Variants in DNAJA3 observed in about 807,000 individuals in gnomAD.
DNAJA3 encodes the protein dnaJ homolog subfamily A member 3, mitochondrial.
DNAJA3 carries 29 observed loss-of-function variants against 54.9 expected under a neutral mutation model. That is an observed-to-expected ratio of 0.53 (90% CI 0.39 to 0.72). The LOEUF (loss-of-function observed/expected upper bound fraction) is 0.72, where lower values mean the gene tolerates loss of function less well. Ranked by LOEUF, DNAJA3 falls within the 30% of genes least tolerant of loss-of-function variation. The probability of loss-of-function intolerance (pLI) is 0.00; values close to 1 mark genes in which losing one functional copy is unlikely to be tolerated. For synonymous variants in DNAJA3, 302 were observed against 251.4 expected (o/e 1.20, Z -1.90); for missense variants, 708 against 639.4 (o/e 1.11, Z -1.16).
chr16:4,455,789 C>T lies in DNAJA3; in HGVS notation c.*257C>T, dbSNP rs1043504687. ...CAGTTTCCTGTCCATTGGTAGGTGA[C>T]GGCCCCTGGCTCAGGCAGAGGGAGA... On this transcript the variant is annotated 3_prime_UTR_variant, in exon 12 of 12. Coordinates refer to ENST00000262375, the MANE Select transcript of DNAJA3 (RefSeq NM_005147.6). The T allele has an allele frequency of 4.9e-5, 29 of 595,114 alleles. No homozygotes were observed. The highest frequency in any genetic ancestry group is 7.4e-5 in the African/African-American group (4 of 53,930). 36.9% of individuals were successfully genotyped at this position (595,114 alleles called of 1,614,324 possible). A position where few individuals can be genotyped will look rare whatever the true frequency, so the allele number is the denominator to read the frequency against.
At position 4,452,521 on chromosome 16, in the gene DNAJA3, A is replaced by G. The variant is rs139141092; in HGVS notation, c.1339+2024A>G. ...GAGATCCTTTGTCACTTCCATGGTT[A>G]CTTGTCCTGATCACTCAGCCTCACT... On this transcript the variant is annotated intron_variant, in intron 10 of 11. Transcript: ENST00000262375. 2.9e-4 allele frequency among the ~76,000 whole-genome samples: 44 copies of G among 152,094 alleles called. No individual in the cohort carries two copies. The East Asian group carries it at 8.1e-3, about 28-fold the overall frequency.
At position 4,455,538 on chromosome 16, in the gene DNAJA3, T is replaced by C; in HGVS notation, c.*14-8T>C. The C allele has an allele frequency of 6.4e-7, 1 of 1,551,798 alleles. No homozygotes were observed. The highest frequency in any genetic ancestry group is 1.4e-5 in the African/African-American group (1 of 73,154). The stretch of plus-strand genomic sequence containing the variant: ...AGTATAAGGTAACAGCCTATCTCTT[T>C]GGCTCAGGAAAAAGATCCACTGGAA... On this transcript the variant is annotated splice_polypyrimidine_tract_variant and splice_region_variant and intron_variant, in intron 11 of 11. Coordinates refer to ENST00000262375, the MANE Select transcript of DNAJA3 (RefSeq NM_005147.6).
chr16:4,434,891 T>C (rs1241415244), intron 2 of DNAJA3, among the ~76,000 whole-genome samples: 1 of 20,192 alleles, frequency 5.0e-5, no homozygotes, highest in Admixed American at 4.6e-4. Flanking sequence ...CCTTTCTTTT[T>C]TTTTTTTTTT....
At chr16:4,437,230 C>G (rs185706514) in intron 2 of DNAJA3, among the ~76,000 whole-genome samples, 172 bp from the exon 3 acceptor site, 2 of 152,280 alleles carry the variant, frequency 1.3e-5, no homozygotes, top group Admixed American at 1.3e-4. Flanking sequence ...CTTCACTTCC[C>G]AAAGTGTTGG....
intron 1 of DNAJA3, among the ~76,000 whole-genome samples, chr16:4,432,185 C>T (rs2056711578): frequency 6.7e-6 from 1 of 149,290 alleles, no homozygotes; most frequent in Non-Finnish European, 1.5e-5. Context: ...AGTCTTTGAT[C>T]CATTTATTTA....
At chr16:4,443,709 C>T (rs908821300) in intron 6 of DNAJA3, among the ~76,000 whole-genome samples, 28 of 150,894 alleles carry the variant, frequency 1.9e-4, no homozygotes, top group African/African-American at 2.2e-4. Flanking sequence ...TTTTTTGAGA[C>T]GGAGTCTCGC....
chr16:4,429,897 T>C (rs936640574), intron 1 of DNAJA3, among the ~76,000 whole-genome samples: 1 of 151,864 alleles, frequency 6.6e-6, no homozygotes, highest in African/African-American at 2.4e-5. Context: ...CTTGGGAGGC[T>C]GAGGTGGGAG....
At chr16:4,444,792 GGCTGCTCCCATGTAATCAAA>G in intron 7 of DNAJA3, 64 bp downstream of exon 7, 1 of 1,436,798 alleles carries the variant, frequency 7.0e-7, no homozygotes, top group South Asian at 1.2e-5. Flanking sequence ...GTGTGGCTGA[GGCTGCTCCCATGTAATCAAA>G]GCTTCACAGG....
At chr16:4,436,690 C>T (rs890169218) in intron 2 of DNAJA3, among the ~76,000 whole-genome samples, 2 of 152,042 alleles carry the variant, frequency 1.3e-5, no homozygotes, top group Non-Finnish European at 2.9e-5. Flanking sequence ...CGCGTGTGAC[C>T]ATACCTGGCT....
At chr16:4,446,825 C>T in intron 7 of DNAJA3, 61 bp from the exon 8 acceptor site, 1 of 1,595,696 alleles carries the variant, frequency 6.3e-7, no homozygotes, top group Non-Finnish European at 8.5e-7. Flanking sequence ...GCCAGGCATG[C>T]AGCTGGTGTT....
At chr16:4,431,403 G>A (rs1198516721) in intron 1 of DNAJA3, among the ~76,000 whole-genome samples, 1 of 152,246 alleles carries the variant, frequency 6.6e-6, no homozygotes, top group East Asian at 1.9e-4. Context: ...GATATTGGGT[G>A]TGCCAAACAC....
At chr16:4,432,644 G>C (rs891138418) in intron 1 of DNAJA3, among the ~76,000 whole-genome samples, 6 of 151,946 alleles carry the variant, frequency 3.9e-5, no homozygotes, top group Non-Finnish European at 5.9e-5. Context: ...ACCCGGCCCG[G>C]CTTATTCACT....
chr16:4,448,607 G>A, intron 8 of DNAJA3, 126 bp from the exon 9 acceptor site: 1 of 686,588 alleles, frequency 1.5e-6, no homozygotes, highest in Non-Finnish European at 2.5e-6. Context: ...CTCCCAAAGT[G>A]ATGGGAGCGT....
chr16:4,443,154 T>C lies in DNAJA3; in HGVS notation c.921T>C (p.Pro307=). 6.2e-7 allele frequency: 1 copy of C among 1,614,018 alleles called. No individual in the cohort carries two copies. The highest frequency in any genetic ancestry group is 8.5e-7 in the Non-Finnish European group (1 of 1,180,006). Residue 307 remains proline (P), a synonymous_variant, in exon 6 of 12, where the codon CCT becomes CCC. Coordinates refer to ENST00000262375, the MANE Select transcript of DNAJA3 (RefSeq NM_005147.6). ...AGCAGAAAAAGCGAGTGATGATCCC[T>C]GTGCCTGCAGGTGGGTGCTTGGGCC... ...QAKQKKRVMI[P]VPAGVEDGQT... is the part of the protein sequence containing the mutation.
chr16:4,442,469 G>A (rs2056848470), intron 5 of DNAJA3, 49 bp downstream of exon 5: 1 of 1,520,084 alleles, frequency 6.6e-7, no homozygotes, highest in Non-Finnish European at 8.8e-7. Flanking sequence ...ACCACTGACT[G>A]AGAAGAGCTG....
chr16:4,433,502 T>G (rs1049624458), intron 1 of DNAJA3: 1 of 152,196 alleles, frequency 6.6e-6, no homozygotes, highest in African/African-American at 2.4e-5. Flanking sequence ...CTCCTGAGTT[T>G]CTGGTGAATG....
At position 4,434,512 on chromosome 16, in the gene DNAJA3, T is replaced by C; in HGVS notation, c.340T>C (p.Tyr114His). The change falls in exon 2 of 12, where the codon TAT becomes CAT. Residue 114 changes from tyrosine (Y) to histidine (H), a missense_variant. Physicochemically the swap from Tyr to His is moderately conservative, Grantham distance 83. Coordinates refer to ENST00000262375, the MANE Select transcript of DNAJA3 (RefSeq NM_005147.6). Reference sequence around the variant, plus strand: ...CCAGAAAGAGATCAAGAAAGCCTATTATCAGGTCTGTATGGAAGTCAGGTT... The same window carrying C: ...CCAGAAAGAGATCAAGAAAGCCTATCATCAGGTCTGTATGGAAGTCAGGTT... The part of the protein sequence containing the change: ...ASQKEIKKAY[Y>H]QLAKKYHPDT... 6.2e-7 allele frequency: 1 copy of C among 1,610,568 alleles called. No individual in the cohort carries two copies. The highest frequency in any genetic ancestry group is 1.1e-5 in the South Asian group (1 of 90,160).
intron 2 of DNAJA3, among the ~76,000 whole-genome samples, chr16:4,434,886 C>CTTTTTTTTTTT (rs202179531): frequency 1.0e-4 from 10 of 100,172 alleles, no homozygotes; most frequent in Middle Eastern, 5.3e-3. Context: ...CCTTTCCTTT[C>CTTTTTTTTTTT]TTTTTTTTTT....
intron 9 of DNAJA3, 187 bp from the exon 10 acceptor site, chr16:4,450,213 G>A (rs2141394134): frequency 1.9e-6 from 1 of 535,116 alleles, no homozygotes; most frequent in Admixed American, 3.3e-5. Context: ...TGTTTTAGGA[G>A]CTTTTCTGTA....
Sources: allele counts gnomAD v4.1 joint callset (sites outside exome capture counted in the v4.1 genomes callset), GRCh38; gene constraint gnomAD v4.1.1; transcripts MANE v1.5; gene names NCBI Gene and HGNC (gene_info 2026-07-23, HGNC 2026-07-21).